PCNX2: variants seen among roughly 807,000 people sequenced by gnomAD.
PCNX2 encodes pecanex 2, also known as pecanex-like protein 2.
In PCNX2, 168 loss-of-function variants were observed where a neutral mutation model predicts 223.8. That is an observed-to-expected ratio of 0.75 (90% CI 0.66 to 0.85). The LOEUF (loss-of-function observed/expected upper bound fraction) is 0.85, where lower values mean the gene tolerates loss of function less well. PCNX2 is among the 40% of genes least tolerant of loss of function. PCNX2 has a pLI of 0.00. For missense variants in PCNX2, 2,507 were observed against 2,675.5 expected, an observed-to-expected ratio of 0.94 and a Z score of 1.39; for synonymous variants, 1,006 against 1,052.6, an observed-to-expected ratio of 0.96 and a Z score of 0.86.
In PCNX2 at chr1:233,017,443, A is replaced by G. The variant is rs779023003; in HGVS notation, c.4606-289T>C. Among the ~76,000 whole-genome samples, 23 of 150,042 alleles carry G rather than the reference A, an allele frequency of 1.5e-4. No homozygotes were observed. The East Asian group carries it at 3.2e-3, about 21-fold the overall frequency. On this transcript the variant is annotated intron_variant, in intron 26 of 33. Coordinates refer to ENST00000258229, the MANE Select transcript of PCNX2 (RefSeq NM_014801.4). ...CGCCATTCTCCTGCCTCAGCCTCCCAAGTAGCTGGGACTACAGGCGCCCGC... is the reference window on the plus strand; with the variant it reads ...CGCCATTCTCCTGCCTCAGCCTCCCGAGTAGCTGGGACTACAGGCGCCCGC...
At chr1:233,259,569 C>T (rs1398841581) in intron 4 of PCNX2, among the ~76,000 whole-genome samples, 2 of 152,180 alleles carry the variant, frequency 1.3e-5, no homozygotes, top group Admixed American at 1.3e-4. Context: ...AACCCGTCAT[C>T]TAGGTTTTCA....
At chr1:233,064,897 A>G (rs1470402905) in intron 23 of PCNX2, among the ~76,000 whole-genome samples, 1 of 152,298 alleles carries the variant, frequency 6.6e-6, no homozygotes, top group East Asian at 1.9e-4. Flanking sequence ...GTACAACCAC[A>G]TATTACTCCA....
At chr1:233,095,261 C>T (rs1674095673) in intron 22 of PCNX2, 1 of 152,636 alleles carries the variant, frequency 6.6e-6, no homozygotes, top group African/African-American at 2.4e-5. Flanking sequence ...CACTAAAAGA[C>T]CATAATTTAA....
intron 5 of PCNX2, among the ~76,000 whole-genome samples, chr1:233,256,285 T>G (rs1297928688): frequency 6.6e-6 from 1 of 152,136 alleles, no homozygotes; most frequent in African/African-American, 2.4e-5. Flanking sequence ...AATAGCAAAA[T>G]TTTTCACATA....
chr1:233,271,164 T>C (rs1223257783), intron 1 of PCNX2, among the ~76,000 whole-genome samples: 3 of 152,186 alleles, frequency 2.0e-5, no homozygotes, highest in Admixed American at 1.3e-4. Flanking sequence ...TCAACTTCAA[T>C]GCAATGACAA....
At chr1:233,201,413 ATT>A in intron 13 of PCNX2, 1 of 152,342 alleles carries the variant, frequency 6.6e-6, no homozygotes, top group South Asian at 2.1e-4. Context: ...ATAAGACATC[ATT>A]TCTTTTTCAG....
intron 15 of PCNX2, among the ~76,000 whole-genome samples, chr1:233,196,118 T>G (rs1025512042): frequency 2.6e-5 from 4 of 152,162 alleles, no homozygotes; most frequent in South Asian, 4.1e-4. Context: ...AAACGTTCCA[T>G]GATAATTCAA....
At chr1:233,098,512 C>T (rs1674304314) in intron 21 of PCNX2, among the ~76,000 whole-genome samples, 1 of 152,008 alleles carries the variant, frequency 6.6e-6, no homozygotes, top group Non-Finnish European at 1.5e-5. Flanking sequence ...CTCTCTATGC[C>T]TTCTTTTTTT....
chr1:232,984,184 C>T lies in PCNX2; in HGVS notation c.*120G>A, dbSNP rs148333275. On this transcript the variant is annotated 3_prime_UTR_variant, in exon 34 of 34. Coordinates refer to ENST00000258229, the MANE Select transcript of PCNX2 (RefSeq NM_014801.4). ...GTTCTGGAACAGCTCTCCTTTTCCA[C>T]AGGAGGAGTCCCTCATGGATCGCGG... 58 of 675,514 alleles carry T rather than the reference C, an allele frequency of 8.6e-5. No homozygotes were observed. Among genetic ancestry groups the T allele is most frequent in the South Asian group, 2.0e-4 (7 of 34,866 alleles). The allele number at this position is 675,514 out of a possible 1,614,324, so 41.8% of individuals were successfully genotyped here.
chr1:233,147,924 A>G (rs1170419582), intron 19 of PCNX2, among the ~76,000 whole-genome samples: 7 of 152,222 alleles, frequency 4.6e-5, no homozygotes, highest in African/African-American at 1.7e-4. Context: ...GGGGAACTGG[A>G]AACCAGTTAA....
intron 25 of PCNX2, among the ~76,000 whole-genome samples, chr1:233,028,027 C>T (rs1671141457): frequency 6.6e-6 from 1 of 152,230 alleles, no homozygotes; most frequent in Admixed American, 6.5e-5. Flanking sequence ...GCTTATTTTC[C>T]AAATATTTGG....
At chr1:233,041,225 T>A (rs1671633841) in intron 25 of PCNX2, among the ~76,000 whole-genome samples, 1 of 152,198 alleles carries the variant, frequency 6.6e-6, no homozygotes, top group Admixed American at 6.5e-5. Context: ...CAGTAATTAA[T>A]CTTTACAGAT....
the PCNX2 span, among the ~76,000 whole-genome samples, chr1:233,322,183 C>T: frequency 2.3e-3 from 345 of 152,272 alleles, no homozygotes; most frequent in South Asian, 0.012. Context: ...TTCTTTTAAA[C>T]TCTTTCCTTT....
intron 23 of PCNX2, among the ~76,000 whole-genome samples, chr1:233,085,579 C>T (rs1433195738): frequency 6.6e-6 from 1 of 152,144 alleles, no homozygotes; most frequent in East Asian, 1.9e-4. Context: ...ATTCCCCTTT[C>T]TCTGAATCTG....
intron 23 of PCNX2, among the ~76,000 whole-genome samples, chr1:233,058,954 C>T (rs1464974408): frequency 2.0e-5 from 3 of 152,124 alleles, no homozygotes; most frequent in Non-Finnish European, 2.9e-5. Flanking sequence ...TGAGTCACAG[C>T]GCCTGGCCAG....
intron 32 of PCNX2, among the ~76,000 whole-genome samples, chr1:232,996,149 A>G (rs1669866957): frequency 1.3e-5 from 2 of 152,166 alleles, no homozygotes; most frequent in Admixed American, 6.5e-5. Context: ...GGTGTGCACC[A>G]CAGCACCCGG....
Position 233,273,738 on chromosome 1 carries a change from C to T in PCNX2, c.154-10575G>A, listed in dbSNP as rs563734752. Among the ~76,000 whole-genome samples, 246 of 152,142 alleles carry T rather than the reference C, an allele frequency of 1.6e-3. 1 individual carries two copies. Among genetic ancestry groups the T allele is most frequent in the African/African-American group, 5.6e-3 (233 of 41,506 alleles). On this transcript the variant is annotated intron_variant, in intron 1 of 33. Coordinates refer to ENST00000258229, the MANE Select transcript of PCNX2 (RefSeq NM_014801.4). ...TCTCGGGTTCAAGCGATTCTCCTGC[C>T]TCAGCCTCCCGAGTACCTGGGATTA...
Position 233,258,632 on chromosome 1 carries a change from A to G in PCNX2, c.1230T>C (p.Ala410=). Residue 410 remains alanine (A), a synonymous_variant, in exon 5 of 34, where the codon GCT becomes GCC. Coordinates refer to ENST00000258229, the MANE Select transcript of PCNX2 (RefSeq NM_014801.4). ...CGGCCGCCCCTGGGTTAGTGGGCTC[A>G]GCGTCAGACTTTACACTGGTCTTCT... The part of the protein sequence containing the change: ...GTEKTSVKSD[A]EPTNPGAAGS... The G allele has an allele frequency of 6.2e-7, 1 of 1,613,976 alleles. No homozygotes were observed. The highest frequency in any genetic ancestry group is 1.3e-5 in the African/African-American group (1 of 75,040).
At chr1:233,246,745 T>C (rs991247326) in intron 8 of PCNX2, among the ~76,000 whole-genome samples, 3 of 152,170 alleles carry the variant, frequency 2.0e-5, no homozygotes, top group Non-Finnish European at 4.4e-5. Context: ...CTGGCTCTGC[T>C]CTGGTTCCAT....
Sources: gnomAD v4.1 joint callset for allele counts (sites outside exome capture counted in the v4.1 genomes callset) on GRCh38, gnomAD v4.1.1 for gene constraint, MANE v1.5 for transcripts, NCBI Gene and HGNC (gene_info 2026-07-23, HGNC 2026-07-21) for gene names.